Variants in LINGO2 observed in about 807,000 individuals in gnomAD.
LINGO2 encodes the protein leucine-rich repeat and immunoglobulin-like domain-containing nogo receptor-interacting protein 2.
In LINGO2, 14 loss-of-function variants were observed where a neutral mutation model predicts 30.6. The ratio of observed to expected loss-of-function variants is 0.46; its 90% confidence interval spans 0.30 to 0.72. LINGO2 has a LOEUF of 0.72. Ranked by LOEUF, LINGO2 falls within the 30% of genes least tolerant of loss-of-function variation. The pLI is 0.07. For synonymous variants in LINGO2, 317 were observed against 288.5 expected (o/e 1.10, Z -1.00); for missense variants, 729 against 751.7 (o/e 0.97, Z 0.35).
chr9:28,742,673 G>T, the LINGO2 span, among the ~76,000 whole-genome samples: 8 of 151,610 alleles, frequency 5.3e-5, no homozygotes, highest in Non-Finnish European at 1.2e-4. Context: ...GTCTTTTAAA[G>T]AACCTGAGAG....
chr9:28,315,674 C>A (rs1824817804), intron 3 of LINGO2, among the ~76,000 whole-genome samples: 1 of 152,128 alleles, frequency 6.6e-6, no homozygotes, highest in Non-Finnish European at 1.5e-5. Context: ...TAGATCATTT[C>A]ATCAGTGGGA....
chr9:28,355,760 A>C (rs1185122686), intron 3 of LINGO2, among the ~76,000 whole-genome samples: 1 of 152,088 alleles, frequency 6.6e-6, no homozygotes, highest in African/African-American at 2.4e-5. Flanking sequence ...TGTACGTAAT[A>C]CTCACACTGT....
At chr9:28,004,061 TAATC>T (rs1369495343) in intron 5 of LINGO2, among the ~76,000 whole-genome samples, 2 of 152,176 alleles carry the variant, frequency 1.3e-5, no homozygotes, top group Non-Finnish European at 2.9e-5. Context: ...AACAATGAAA[TAATC>T]AAACTAGCCT....
At chr9:28,848,612 A>T in the LINGO2 span, among the ~76,000 whole-genome samples, 1 of 150,600 alleles carries the variant, frequency 6.6e-6, no homozygotes, top group South Asian at 2.1e-4. Flanking sequence ...TTTTTTCAAA[A>T]TCCTAGGTTA....
intron 4 of LINGO2, among the ~76,000 whole-genome samples, chr9:28,172,035 A>AC (rs752564803): frequency 2.0e-5 from 1 of 49,440 alleles, no homozygotes; most frequent in Admixed American, 1.9e-4. Flanking sequence ...AAAAAAAAAC[A>AC]AAAAAAAAAA....
At chr9:28,079,965 C>T (rs1350221744) in intron 4 of LINGO2, among the ~76,000 whole-genome samples, 1 of 152,226 alleles carries the variant, frequency 6.6e-6, no homozygotes, top group Non-Finnish European at 1.5e-5. Flanking sequence ...GCAGGTATCA[C>T]TCTTGATATT....
At chr9:28,876,868 C>T in the LINGO2 span, among the ~76,000 whole-genome samples, 1 of 152,158 alleles carries the variant, frequency 6.6e-6, no homozygotes, top group East Asian at 1.9e-4. Context: ...GTCCCACCAA[C>T]AGTGTAAAAG....
the LINGO2 span, among the ~76,000 whole-genome samples, chr9:29,204,091 A>G: frequency 1.3e-5 from 2 of 152,214 alleles, no homozygotes; most frequent in East Asian, 1.9e-4. Context: ...GATTATGGGA[A>G]TTATTCAAAG....
At chr9:29,159,410 A>G in the LINGO2 span, among the ~76,000 whole-genome samples, 4 of 152,202 alleles carry the variant, frequency 2.6e-5, no homozygotes, top group Non-Finnish European at 5.9e-5. Flanking sequence ...CTACAATGAC[A>G]TACTAATCAA....
the LINGO2 span, among the ~76,000 whole-genome samples, chr9:28,886,439 G>C: frequency 6.6e-6 from 1 of 152,042 alleles, no homozygotes; most frequent in Non-Finnish European, 1.5e-5. Flanking sequence ...TAATCTTTCA[G>C]TTAATGGTAT....
chr9:28,301,518 T>C (rs1824142168), intron 3 of LINGO2, among the ~76,000 whole-genome samples: 1 of 152,170 alleles, frequency 6.6e-6, no homozygotes, highest in African/African-American at 2.4e-5. Context: ...TCACCATGTC[T>C]AGAGTGAGAC....
chr9:28,345,338 C>T (rs529691099), intron 3 of LINGO2, among the ~76,000 whole-genome samples: 1 of 152,046 alleles, frequency 6.6e-6, no homozygotes, highest in African/African-American at 2.4e-5. Flanking sequence ...ATCTCCTTTG[C>T]CATGAAAATA....
At chr9:29,137,823 A>G in the LINGO2 span, among the ~76,000 whole-genome samples, 3 of 152,224 alleles carry the variant, frequency 2.0e-5, no homozygotes, top group South Asian at 6.2e-4. Context: ...TGTTCTCAAC[A>G]TATTAGTTAT....
At chr9:28,233,055 TATATATTAG>T (rs1821423328) in intron 4 of LINGO2, among the ~76,000 whole-genome samples, 1 of 123,124 alleles carries the variant, frequency 8.1e-6, no homozygotes, top group Non-Finnish European at 1.6e-5. Flanking sequence ...TATATATATA[TATATATTAG>T]ATATATAATA....
chr9:28,919,890 A>G, the LINGO2 span, among the ~76,000 whole-genome samples: 1 of 152,218 alleles, frequency 6.6e-6, no homozygotes, highest in African/African-American at 2.4e-5. Flanking sequence ...TGGTATAATC[A>G]CGCTATAATG....
At chr9:28,407,063 C>T (rs1822543148) in intron 2 of LINGO2, among the ~76,000 whole-genome samples, 1 of 151,908 alleles carries the variant, frequency 6.6e-6, no homozygotes, top group Non-Finnish European at 1.5e-5. Context: ...ATTTTTGTTT[C>T]TAGGGCTATA....
At chr9:28,773,971 C>A in the LINGO2 span, among the ~76,000 whole-genome samples, 4 of 150,882 alleles carry the variant, frequency 2.7e-5, no homozygotes, top group African/African-American at 9.7e-5. Flanking sequence ...TAAATATAAG[C>A]AAGGTTAAAC....
chr9:28,987,842 C>T, the LINGO2 span, among the ~76,000 whole-genome samples: 1 of 151,990 alleles, frequency 6.6e-6, no homozygotes, highest in Non-Finnish European at 1.5e-5. Flanking sequence ...TATGGATTTT[C>T]TCAAATTCAT....
chr9:28,312,657 G>GTAT (rs1346312643), intron 3 of LINGO2, among the ~76,000 whole-genome samples: 1 of 152,040 alleles, frequency 6.6e-6, no homozygotes, highest in Non-Finnish European at 1.5e-5. Context: ...TAATAAAAAT[G>GTAT]TATTTCTACC....
Sources: allele counts gnomAD v4.1 joint callset (sites outside exome capture counted in the v4.1 genomes callset), GRCh38; gene constraint gnomAD v4.1.1; transcripts MANE v1.5; gene names NCBI Gene and HGNC (gene_info 2026-07-23, HGNC 2026-07-21).